FRMD5: variants seen among roughly 807,000 people sequenced by gnomAD.
FRMD5 encodes the protein FERM domain-containing protein 5.
FRMD5 carries 20 observed loss-of-function variants against 69.0 expected under a neutral mutation model. The observed-to-expected ratio is 0.29, with a 90% CI of 0.20 to 0.42. FRMD5 has a LOEUF of 0.42. Ranked by LOEUF, FRMD5 falls within the 10% of genes least tolerant of loss-of-function variation. The probability of loss-of-function intolerance (pLI) is 1.00; values close to 1 mark genes in which losing one functional copy is unlikely to be tolerated. For missense variants in FRMD5, 595 were observed against 708.6 expected (o/e 0.84, Z 1.82); for synonymous variants, 271 against 260.1 (o/e 1.04, Z -0.40).
rs2140325747 is a variant in FRMD5, at chr15:43,873,383, C to CCCTGG, written c.*497_*501dup. On this transcript the variant is annotated 3_prime_UTR_variant, in exon 14 of 14. Coordinates refer to ENST00000417257, the MANE Select transcript of FRMD5 (RefSeq NM_032892.5). ...ACTAAACAGTCCCCATTGTCCAGAT[C>CCCTGG]CCTGGCCTGCCCTGCTGAGGCTGCA... 6.9e-7 allele frequency: 1 copy of CCCTGG among 1,445,020 alleles called. No individual in the cohort carries two copies. The highest frequency in any genetic ancestry group is 2.5e-5 in the East Asian group (1 of 39,936). 89.5% of individuals were successfully genotyped at this position (1,445,020 alleles called of 1,614,324 possible).
chr15:43,942,656 C>T (rs1440684193), intron 1 of FRMD5, among the ~76,000 whole-genome samples: 1 of 152,178 alleles, frequency 6.6e-6, no homozygotes, highest in Non-Finnish European at 1.5e-5. Flanking sequence ...ATTCTTGTTA[C>T]TATCAATGAC....
intron 1 of FRMD5, among the ~76,000 whole-genome samples, chr15:44,142,878 CA>C (rs1239231911): frequency 6.6e-6 from 1 of 152,102 alleles, no homozygotes; most frequent in Non-Finnish European, 1.5e-5. Flanking sequence ...ATCATGGGGT[CA>C]GGAGTTCAAG....
At chr15:43,986,431 G>A (rs931588957) in intron 1 of FRMD5, among the ~76,000 whole-genome samples, 2 of 152,206 alleles carry the variant, frequency 1.3e-5, no homozygotes, top group African/African-American at 2.4e-5. Flanking sequence ...CTCTAGATAT[G>A]CACCAGAGGA....
At chr15:44,164,862 C>A (rs762694848) in intron 1 of FRMD5, among the ~76,000 whole-genome samples, 8 of 152,182 alleles carry the variant, frequency 5.3e-5, no homozygotes, top group Non-Finnish European at 8.8e-5. Flanking sequence ...TGCACAGGGG[C>A]AGATGTGGTA....
rs1175812834 is a variant in FRMD5, at chr15:43,905,951, G to A, written c.428C>T (p.Ala143Val). The stretch of plus-strand genomic sequence containing the variant: ...CCCTGAGTCATAATCCCCAATCTCC[G>A]CTTTCAAAAGGAAGGTGGAAGAAAA... ...AALLAAYILQ[A>V]EIGDYDSGKH... The change falls in exon 6 of 14, where the codon GCG becomes GTG. Residue 143 changes from alanine to valine, a missense_variant and splice_region_variant. Ala to Val is a moderately conservative substitution (Grantham distance 64). This residue lies in a region of FRMD5 where 51 missense variants were observed against 41.7 expected (regional missense o/e 1.22). Coordinates refer to ENST00000417257, the MANE Select transcript of FRMD5 (RefSeq NM_032892.5). 3.1e-6 allele frequency: 5 copies of A among 1,614,118 alleles called. No homozygotes were observed. The highest frequency in any genetic ancestry group is 3.3e-5 in the Admixed American group (2 of 60,000).
chr15:43,874,518 C>T, intron 13 of FRMD5, 56 bp from the exon 14 acceptor site: 3 of 1,331,552 alleles, frequency 2.3e-6, no homozygotes, highest in Non-Finnish European at 3.2e-6. Context: ...CTTTGCTTTC[C>T]AGTAGCACCC....
intron 4 of FRMD5, chr15:43,917,805 T>G (rs2089420207): frequency 6.6e-6 from 1 of 152,406 alleles, no homozygotes; most frequent in South Asian, 2.1e-4. Context: ...TCCACATAGA[T>G]GAGCAGAGCC....
chr15:44,167,212 T>A (rs977306197), intron 1 of FRMD5, among the ~76,000 whole-genome samples: 4 of 151,920 alleles, frequency 2.6e-5, no homozygotes, highest in Admixed American at 2.0e-4. Context: ...ACAAAAAAAA[T>A]TTAAAATTAG....
chr15:44,054,800 A>G (rs1389929167), intron 1 of FRMD5, among the ~76,000 whole-genome samples: 1 of 152,056 alleles, frequency 6.6e-6, no homozygotes, highest in Non-Finnish European at 1.5e-5. Context: ...GGCTGGGCGC[A>G]GTGGCTCACA....
In FRMD5 at chr15:43,990,452, T is replaced by C. The variant is rs1023759397; in HGVS notation, c.103-66143A>G. Among the ~76,000 whole-genome samples, 8 of 152,266 alleles carry C rather than the reference T, an allele frequency of 5.3e-5. No individual in the cohort carries two copies. The Middle Eastern group carries it at 9.5e-3, about 181-fold the overall frequency. On this transcript the variant is annotated intron_variant, in intron 1 of 13. Transcript: ENST00000417257. ...TACAGCTTACTAACATTAGTTTTAC[T>C]ATGTTTTTTCATTTCTCTATACATT...
In FRMD5 at chr15:43,996,027, G is replaced by A. The variant is rs774667120; in HGVS notation, c.103-71718C>T. ...CGAGGATCAGCCTGGCCTGGAGCCC[G>A]TGTCTGAAGGTGATGGCTTGGTGCC... On this transcript the variant is annotated intron_variant, in intron 1 of 13. Transcript: ENST00000417257. 6.6e-5 allele frequency among the ~76,000 whole-genome samples: 10 copies of A among 152,198 alleles called. No homozygotes were observed. In the South Asian group the frequency reaches 8.3e-4, roughly 13 times the overall value.
At chr15:43,962,284 A>G (rs2090215210) in intron 1 of FRMD5, among the ~76,000 whole-genome samples, 1 of 152,252 alleles carries the variant, frequency 6.6e-6, no homozygotes, top group African/African-American at 2.4e-5. Context: ...GAGCCAAATC[A>G]TGAGTGAACT....
At chr15:43,937,917 C>T (rs773956510) in intron 1 of FRMD5, among the ~76,000 whole-genome samples, 11 of 152,268 alleles carry the variant, frequency 7.2e-5, no homozygotes, top group African/African-American at 1.4e-4. Context: ...GAGTATTAGC[C>T]TCCATCACAC....
intron 1 of FRMD5, among the ~76,000 whole-genome samples, chr15:44,049,739 A>G (rs1001002941): frequency 6.6e-6 from 1 of 152,224 alleles, no homozygotes; most frequent in African/African-American, 2.4e-5. Flanking sequence ...ATGTGCTGGA[A>G]GTACATATAT....
At chr15:43,897,743 A>G (rs1304501716) in intron 7 of FRMD5, among the ~76,000 whole-genome samples, 1 of 152,106 alleles carries the variant, frequency 6.6e-6, no homozygotes. Context: ...GGATGATGAT[A>G]TGGTTTGGCT....
At chr15:44,060,014 C>A (rs1342213604) in intron 1 of FRMD5, among the ~76,000 whole-genome samples, 1 of 152,178 alleles carries the variant, frequency 6.6e-6, no homozygotes, top group Non-Finnish European at 1.5e-5. Context: ...AAGCCTTCTT[C>A]CAATCTGCTG....
intron 1 of FRMD5, among the ~76,000 whole-genome samples, chr15:44,179,128 C>T (rs2077953451): frequency 1.3e-5 from 2 of 151,906 alleles, no homozygotes; most frequent in Non-Finnish European, 2.9e-5. Flanking sequence ...GTCATATTAG[C>T]ATAGGTACAA....
In FRMD5 at chr15:44,182,673, C is replaced by A. The variant is rs552392532; in HGVS notation, c.102+12280G>T. 1.4e-4 allele frequency among the ~76,000 whole-genome samples: 22 copies of A among 152,268 alleles called. No individual in the cohort carries two copies. In the South Asian group the frequency reaches 2.3e-3, roughly 16 times the overall value. On this transcript the variant is annotated intron_variant, in intron 1 of 13. Transcript: ENST00000417257. ...TTTTTTCAGAGCTAATACTTTTATTCATACACATCTACAATCAACATATAT... is the reference window on the plus strand; with the variant it reads ...TTTTTTCAGAGCTAATACTTTTATTAATACACATCTACAATCAACATATAT...
chr15:44,165,894 A>G (rs2077701142), intron 1 of FRMD5, among the ~76,000 whole-genome samples: 1 of 152,226 alleles, frequency 6.6e-6, no homozygotes, highest in Non-Finnish European at 1.5e-5. Context: ...TGAGTATTAA[A>G]AGAGGTATAA....
Sources: gnomAD v4.1 joint callset for allele counts (sites outside exome capture counted in the v4.1 genomes callset) on GRCh38, gnomAD v4.1.1 for gene constraint, gnomAD v4.1.1 regional missense constraint, MANE v1.5 for transcripts, NCBI Gene and HGNC (gene_info 2026-07-23, HGNC 2026-07-21) for gene names.